The following PDXK variants were observed in gnomAD, a reference collection of about 807,000 sequenced individuals.
PDXK encodes the protein epididymis secretory sperm binding protein Li 1a.
PDXK carries 15 observed loss-of-function variants against 43.2 expected under a neutral mutation model. The observed-to-expected ratio is 0.35, with a 90% CI of 0.23 to 0.53. The LOEUF (loss-of-function observed/expected upper bound fraction) is 0.53, where lower values mean the gene tolerates loss of function less well. PDXK is among the 20% of genes least tolerant of loss of function. The pLI, the probability that PDXK is intolerant of heterozygous loss-of-function variation, is 0.92. For synonymous variants in PDXK, 172 were observed against 165.4 expected (o/e 1.04, Z -0.31); for missense variants, 343 against 417.0 (o/e 0.82, Z 1.54).
Position 43,719,320 on chromosome 21 carries a change from C to G in PDXK, c.26C>G (p.Ser9Cys). MEEECRVLSIQSHVIRGYV... is the reference protein window; with the variant it reads MEEECRVLCIQSHVIRGYV... ...ATGGAGGAGGAGTGCCGGGTGCTCT[C>G]CATACAGAGCCACGTCATCCGCGGC... The change falls in exon 1 of 11, where the codon TCC becomes TGC. Residue 9 changes from serine to cysteine, a missense_variant. Physicochemically the swap from Ser to Cys is moderately radical, Grantham distance 112 (BLOSUM62 -1). Transcript: ENST00000291565. The G allele has an allele frequency of 6.6e-7, 1 of 1,513,958 alleles. No homozygotes were observed. Among genetic ancestry groups the G allele is most frequent in the South Asian group, 1.2e-5 (1 of 80,868 alleles). 93.8% of individuals were successfully genotyped at this position (1,513,958 alleles called of 1,614,324 possible).
At chr21:43,755,531 C>A in intron 9 of PDXK, 167 bp from the exon 10 acceptor site, 1 of 655,208 alleles carries the variant, frequency 1.5e-6, no homozygotes, top group South Asian at 1.7e-5. Flanking sequence ...GTGGGCAGTC[C>A]GCAGCCTGTC....
intron 7 of PDXK, among the ~76,000 whole-genome samples, chr21:43,751,314 T>C (rs1256161295): frequency 1.3e-5 from 2 of 152,152 alleles, no homozygotes; most frequent in African/African-American, 2.4e-5. Flanking sequence ...TTTGGGAGAC[T>C]GAGGTGGTCA....
chr21:43,746,151 A>T, intron 5 of PDXK, 26 bp downstream of exon 5: 1 of 1,592,476 alleles, frequency 6.3e-7, no homozygotes, highest in Non-Finnish European at 8.6e-7. Context: ...TGTGTGATTT[A>T]AAAGTGTGGT....
rs954507010 is a variant in PDXK at position 43,737,852 on chromosome 21, G to A, written c.142+3729G>A. On this transcript the variant is annotated intron_variant, in intron 2 of 10. Transcript: ENST00000291565. The surrounding 1 kb of genome is among the most constrained non-coding windows in gnomAD (Gnocchi z 4.8). Reference sequence around the variant, plus strand: ...GCCTGTGCTTTTTCATCTGTAAATGGAATGAGTTGGACACAAGATCCAAGC... The same window carrying A: ...GCCTGTGCTTTTTCATCTGTAAATGAAATGAGTTGGACACAAGATCCAAGC... The A allele has an allele frequency of 2.0e-6, 2 of 985,392 alleles. No homozygotes were observed. The highest frequency in any genetic ancestry group is 3.5e-5 in the African/African-American group (2 of 57,272). 61.0% of individuals were successfully genotyped at this position (985,392 alleles called of 1,614,324 possible).
Position 43,746,065 on chromosome 21 carries a change from T to C in PDXK, c.332-14T>C, listed in dbSNP as rs767487065. On this transcript the variant is annotated splice_polypyrimidine_tract_variant and intron_variant, in intron 4 of 10. Coordinates refer to ENST00000291565, the MANE Select transcript of PDXK (RefSeq NM_003681.5). ...TGTAGCCTTTGCTGATAAGATGCCC[T>C]TGTGTCTCTGCAGTGTGTGATCCAG... 27 of 1,610,076 alleles carry C rather than the reference T, an allele frequency of 1.7e-5. No homozygotes were observed. The highest frequency in any genetic ancestry group is 2.3e-5 in the Non-Finnish European group (27 of 1,176,222).
rs114181940 is a variant in PDXK at position 43,720,200 on chromosome 21, C to T, written c.87+819C>T. ...CAGGGCCGAGGCAGAACCAGGACGA[C>T]GGGCACTTCCTGGCCTTGTCGAGTC... On this transcript the variant is annotated intron_variant, in intron 1 of 10. Coordinates refer to ENST00000291565, the MANE Select transcript of PDXK (RefSeq NM_003681.5). 7.4e-3 allele frequency among the ~76,000 whole-genome samples: 1,121 copies of T among 152,256 alleles called. 14 individuals carry two copies. Among genetic ancestry groups the T allele is most frequent in the African/African-American group, 0.025 (1,028 of 41,548 alleles).
intron 1 of PDXK, among the ~76,000 whole-genome samples, chr21:43,724,375 C>G (rs1030292107): frequency 1.6e-4 from 25 of 152,090 alleles, no homozygotes; most frequent in African/African-American, 5.3e-4. Flanking sequence ...GCTTACTGGG[C>G]CCCGCTTCTC....
intron 4 of PDXK, 114 bp downstream of exon 4, chr21:43,743,921 C>T (rs989891425): frequency 5.6e-6 from 4 of 716,936 alleles, no homozygotes; most frequent in Non-Finnish European, 9.9e-6. Flanking sequence ...GCCTCCGTGC[C>T]CCGCCTCTCC....
At position 43,731,153 on chromosome 21, in the gene PDXK, A is replaced by G. The variant is rs145508875; in HGVS notation, c.88-2916A>G. 4.8e-4 allele frequency among the ~76,000 whole-genome samples: 73 copies of G among 152,276 alleles called. 1 individual carries two copies. The highest frequency in any genetic ancestry group is 1.7e-3 in the African/African-American group (71 of 41,542). ...GCCTGGCCATATGACTCAGTTTTTAATAATGACTCTACGTAAAACTGACCT... is the reference window on the plus strand; with the variant it reads ...GCCTGGCCATATGACTCAGTTTTTAGTAATGACTCTACGTAAAACTGACCT... On this transcript the variant is annotated intron_variant, in intron 1 of 10. Transcript: ENST00000291565.
In PDXK at chr21:43,741,769, C is replaced by T. The variant is rs541151905; in HGVS notation, c.245C>T (p.Thr82Ile). 1 of 1,595,744 alleles carries T rather than the reference C, an allele frequency of 6.3e-7. No individual in the cohort carries two copies. The highest frequency in any genetic ancestry group is 2.2e-5 in the East Asian group (1 of 44,776). Residue 82 changes from threonine to isoleucine, a missense_variant and splice_region_variant, in exon 3 of 11, where the codon ACA becomes ATA. Physicochemically the swap from Thr to Ile is moderately conservative, Grantham distance 89. Transcript: ENST00000291565. Reference protein sequence around the residue: ...NNMNKYDYVLTGYTRDKSFLA... With the variant: ...NNMNKYDYVLIGYTRDKSFLA... Reference sequence around the variant, plus strand: ...ATGAATAAATATGACTACGTGCTCACAGGTAGGTGCCGGAGCAAGCTGCCG... The same window carrying T: ...ATGAATAAATATGACTACGTGCTCATAGGTAGGTGCCGGAGCAAGCTGCCG...
In PDXK at chr21:43,756,332, C is replaced by T. The variant is rs1019036582; in HGVS notation, c.*269C>T. 8.4e-6 allele frequency: 3 copies of T among 355,226 alleles called. No individual in the cohort carries two copies. The highest frequency in any genetic ancestry group is 1.3e-4 in the East Asian group (2 of 15,138). 22.0% of individuals were successfully genotyped at this position (355,226 alleles called of 1,614,324 possible). A position where few individuals can be genotyped will look rare whatever the true frequency, so the allele number is the denominator to read the frequency against. ...TCCGGGAAGACGGGCCCCTGTTTGC[C>T]ATCTCGGGGGTGTTCCCTGTGGGAG... On this transcript the variant is annotated 3_prime_UTR_variant, in exon 11 of 11. Coordinates refer to ENST00000291565, the MANE Select transcript of PDXK (RefSeq NM_003681.5).
chr21:43,750,850 ACATGTG>A (rs1054934475), intron 7 of PDXK, among the ~76,000 whole-genome samples: 2 of 147,318 alleles, frequency 1.4e-5, no homozygotes, highest in Non-Finnish European at 3.0e-5. Flanking sequence ...GTGTGTGTGC[ACATGTG>A]CATGTGCGTC....
In PDXK at chr21:43,719,233, C is replaced by T. The variant is rs2083186188; in HGVS notation, c.-62C>T. The stretch of plus-strand genomic sequence containing the variant: ...GCCCGAGCCCGAGCCGAGCCGGAGC[C>T]CGAGCGAGCGGCGGAGACCGTGCCC... On this transcript the variant is annotated 5_prime_UTR_variant, in exon 1 of 11. Transcript: ENST00000291565. 4.0e-6 allele frequency: 4 copies of T among 995,932 alleles called. No homozygotes were observed. The highest frequency in any genetic ancestry group is 1.7e-5 in the African/African-American group (1 of 58,456). The allele number at this position is 995,932 out of a possible 1,614,324, so 61.7% of individuals were successfully genotyped here. A position where few individuals can be genotyped will look rare whatever the true frequency, so the allele number is the denominator to read the frequency against.
At chr21:43,743,869 G>A (rs962001784) in intron 4 of PDXK, 62 bp downstream of exon 4, 3 of 1,218,370 alleles carry the variant, frequency 2.5e-6, no homozygotes, top group Non-Finnish European at 2.4e-6. Context: ...GCTGGCCTGG[G>A]AGCCCGGGAA....
rs1358887777 is a variant in PDXK, at chr21:43,735,373, G to A, written c.142+1250G>A. Among the ~76,000 whole-genome samples the A allele has an allele frequency of 3.3e-5, 5 of 152,228 alleles. No individual in the cohort carries two copies. Among genetic ancestry groups the A allele is most frequent in the South Asian group, 2.1e-4 (1 of 4,836 alleles). ...GCTGGTTCAACATCCACACCGACCC[G>A]GCTGCCCTTGCATGGATTCCAGGTT... On this transcript the variant is annotated intron_variant, in intron 2 of 10. Transcript: ENST00000291565. This position sits in a 1 kb window ranked among gnomAD's most constrained non-coding sequence, Gnocchi z 5.3.
chr21:43,747,043 T>C (rs1448430170), intron 5 of PDXK: 1 of 152,340 alleles, frequency 6.6e-6, no homozygotes, highest in Non-Finnish European at 1.5e-5. Context: ...GAGGCTGAGG[T>C]GGGAGGATCA....
chr21:43,747,440 C>G (rs751106835), intron 5 of PDXK, among the ~76,000 whole-genome samples: 1 of 152,278 alleles, frequency 6.6e-6, no homozygotes, highest in Non-Finnish European at 1.5e-5. Flanking sequence ...CAGGGCACGC[C>G]TGGGCCTGTG....
intron 7 of PDXK, among the ~76,000 whole-genome samples, chr21:43,751,651 C>A (rs936534328): frequency 6.6e-6 from 1 of 152,182 alleles, no homozygotes; most frequent in Non-Finnish European, 1.5e-5. Flanking sequence ...CAGGGTCTGG[C>A]GGGGGCTACT....
In PDXK at chr21:43,756,583, T is replaced by G. The variant is rs2083855452; in HGVS notation, c.*520T>G. 6.5e-6 allele frequency: 1 copy of G among 154,158 alleles called. No homozygotes were observed. Among genetic ancestry groups the G allele is most frequent in the Admixed American group, 6.5e-5 (1 of 15,474 alleles). The allele number at this position is 154,158 out of a possible 1,614,324, so 9.5% of individuals were successfully genotyped here. On this transcript the variant is annotated 3_prime_UTR_variant, in exon 11 of 11. Coordinates refer to ENST00000291565, the MANE Select transcript of PDXK (RefSeq NM_003681.5). Reference sequence around the variant, plus strand: ...TTTGTTCCCGCATTCGAACTTTTGGTTCTTACTTTGCTGCTCGTTTAGTCC... The same window carrying G: ...TTTGTTCCCGCATTCGAACTTTTGGGTCTTACTTTGCTGCTCGTTTAGTCC...
Sources: allele counts gnomAD v4.1 joint callset (sites outside exome capture counted in the v4.1 genomes callset), GRCh38; gene constraint gnomAD v4.1.1; non-coding constraint Gnocchi (gnomAD v3.1); transcripts MANE v1.5; gene names NCBI Gene and HGNC (gene_info 2026-07-23, HGNC 2026-07-21).